Variants in ZNF426 observed in about 807,000 individuals in gnomAD.
ZNF426 encodes the protein zinc finger protein 426.
Under a neutral mutation model 24.0 loss-of-function variants are expected in ZNF426, and 23 were observed. The observed-to-expected ratio is 0.96, with a 90% CI of 0.69 to 1.36. The LOEUF (loss-of-function observed/expected upper bound fraction) is 1.36, where lower values mean the gene tolerates loss of function less well. ZNF426 is among the 40% of genes most tolerant of loss of function. The pLI, the probability that ZNF426 is intolerant of heterozygous loss-of-function variation, is 0.00. For missense variants in ZNF426, 646 were observed against 658.4 expected, an observed-to-expected ratio of 0.98 and a Z score of 0.21; for synonymous variants, 272 against 224.6, an observed-to-expected ratio of 1.21 and a Z score of -1.89.
intron 2 of ZNF426, among the ~76,000 whole-genome samples, chr19:9,537,451 CTTT>C (rs199870394): frequency 1.5e-5 from 2 of 137,894 alleles, no homozygotes; most frequent in Non-Finnish European, 1.5e-5. Context: ...ATATTTAACT[CTTT>C]TTTTTTTTTT....
chr19:9,535,140 G>C (rs1309767446), intron 4 of ZNF426, 48 bp downstream of exon 4: 2 of 1,436,834 alleles, frequency 1.4e-6, no homozygotes, highest in African/African-American at 2.9e-5. Flanking sequence ...GTGTCTACCT[G>C]GTGGATGCAA....
intron 2 of ZNF426, among the ~76,000 whole-genome samples, chr19:9,537,703 T>A (rs1034545848): frequency 6.6e-6 from 1 of 151,936 alleles, no homozygotes; most frequent in Non-Finnish European, 1.5e-5. Context: ...CAGGCTGGAG[T>A]GCAGTGGCAC....
chr19:9,536,944 C>A (rs2073974983), intron 2 of ZNF426, among the ~76,000 whole-genome samples: 1 of 152,042 alleles, frequency 6.6e-6, no homozygotes, highest in African/African-American at 2.4e-5. Context: ...ACCGGCCTAA[C>A]CAACACGGTG....
Position 9,529,267 on chromosome 19 carries a change from C to A in ZNF426, c.778G>T (p.Gly260Cys). 1 of 1,613,798 alleles carries A rather than the reference C, an allele frequency of 6.2e-7. No individual in the cohort carries two copies. The highest frequency in any genetic ancestry group is 8.5e-7 in the Non-Finnish European group (1 of 1,179,910). Residue 260 changes from glycine (G) to cysteine (C), a missense_variant, in exon 8 of 8, where the codon GGT becomes TGT. Transcript: ENST00000253115. Reference protein sequence around the residue: ...KLYEWRNYGPGFIDSTSLSVL... With the variant: ...KLYEWRNYGPCFIDSTSLSVL... ...GAAAGGCTTGTAGAGTCAATAAAAC[C>A]TGGCCCATAATTCCTCCATTCGTAG...
In ZNF426 at chr19:9,538,576, CAGGCCAGTG is replaced by C. The variant is rs1346040863; in HGVS notation, c.-222_-214del. ...CCAGTTCATCTCCTCGGAACTCACCCAGGCCAGTGAGGCCTTAACTCTGAAAGGCAAAAA... is the reference window on the plus strand; with the variant it reads ...CCAGTTCATCTCCTCGGAACTCACCCAGGCCTTAACTCTGAAAGGCAAAAA... On this transcript the variant is annotated splice_region_variant and 5_prime_UTR_variant, in exon 1 of 8. Coordinates refer to ENST00000253115, the MANE Select transcript of ZNF426 (RefSeq NM_024106.3). 2 of 152,284 alleles carry C rather than the reference CAGGCCAGTG, an allele frequency of 1.3e-5. No individual in the cohort carries two copies. Among genetic ancestry groups the C allele is most frequent in the Non-Finnish European group, 2.9e-5 (2 of 68,126 alleles). 9.4% of individuals were successfully genotyped at this position (152,284 alleles called of 1,614,324 possible).
chr19:9,530,265 C>A (rs556236533), intron 7 of ZNF426, among the ~76,000 whole-genome samples: 1 of 152,026 alleles, frequency 6.6e-6, no homozygotes, highest in Admixed American at 6.6e-5. Context: ...CCAGCCTGGG[C>A]AACATGGCAA....
chr19:9,536,260 C>G lies in ZNF426; in HGVS notation c.-28G>C. ...CGCGAGGTGAGAACGTGTCAGAACC[C>G]TCCTTTCATTGATGTCACCATCACT... On this transcript the variant is annotated 5_prime_UTR_variant, in exon 3 of 8. Transcript: ENST00000253115. 6.2e-7 allele frequency: 1 copy of G among 1,614,214 alleles called. No homozygotes were observed. The highest frequency in any genetic ancestry group is 1.1e-5 in the South Asian group (1 of 91,086).
chr19:9,532,213 C>G (rs2073895395), intron 6 of ZNF426, among the ~76,000 whole-genome samples: 1 of 151,116 alleles, frequency 6.6e-6, no homozygotes, highest in African/African-American at 2.4e-5. Flanking sequence ...GTTCATCATA[C>G]TACTGAGAAT....
Position 9,536,492 on chromosome 19 carries a change from G to C in ZNF426, c.-124-136C>G, listed in dbSNP as rs1289115135. The C allele has an allele frequency of 1.9e-5, 14 of 731,674 alleles. 1 individual carries two copies. The highest frequency in any genetic ancestry group is 1.9e-5 in the Non-Finnish European group (9 of 470,658). The allele number at this position is 731,674 out of a possible 1,614,324, so 45.3% of individuals were successfully genotyped here. The stretch of plus-strand genomic sequence containing the variant: ...AGGGTGGGAGGACTGCTTCAGCCTA[G>C]AAGTTTGAGACCAGCCTGGGCAACA... On this transcript the variant is annotated intron_variant, in intron 2 of 7. Coordinates refer to ENST00000253115, the MANE Select transcript of ZNF426 (RefSeq NM_024106.3).
chr19:9,528,394 C>T lies in ZNF426; in HGVS notation c.1651G>A (p.Glu551Lys). 1 of 1,577,024 alleles carries T rather than the reference C, an allele frequency of 6.3e-7. No individual in the cohort carries two copies. The highest frequency in any genetic ancestry group is 8.6e-7 in the Non-Finnish European group (1 of 1,163,854). The change falls in exon 8 of 8, where the codon GAA (glutamate) becomes AAA (lysine). Residue 551 changes from glutamate to lysine, a missense_variant. Glu to Lys is a moderately conservative substitution (Grantham distance 56). Transcript: ENST00000253115. Reference sequence around the variant, plus strand: ...ACAGTTTCTCACTAGTGAATTTGTTCATGTCTTCGAAGTGAACGGGGATGA... The same window carrying T: ...ACAGTTTCTCACTAGTGAATTTGTTTATGTCTTCGAAGTGAACGGGGATGA... ...YSHPRSLRRH[E>K]QIH
rs770502361 is a variant in ZNF426 at position 9,528,921 on chromosome 19, G to A, written c.1124C>T (p.Thr375Ile). 2 of 1,613,708 alleles carry A rather than the reference G, an allele frequency of 1.2e-6. No homozygotes were observed. Among genetic ancestry groups the A allele is most frequent in the East Asian group, 2.2e-5 (1 of 44,846 alleles). ...ECKECGKSFL[T>I]SSRLIQHIRT... Reference sequence around the variant, plus strand: ...TATATGTTGAATAAGGCGTGAGGATGTAAGGAAGGATTTCCCACATTCCTT... The same window carrying A: ...TATATGTTGAATAAGGCGTGAGGATATAAGGAAGGATTTCCCACATTCCTT... Residue 375 changes from threonine to isoleucine, a missense_variant, in exon 8 of 8, where the codon ACA (threonine) becomes ATA (isoleucine). Physicochemically the swap from Thr to Ile is moderately conservative, Grantham distance 89. Coordinates refer to ENST00000253115, the MANE Select transcript of ZNF426 (RefSeq NM_024106.3).
Position 9,529,497 on chromosome 19 carries a change from A to G in ZNF426, c.548T>C (p.Phe183Ser), listed in dbSNP as rs752183983. 6 of 1,613,654 alleles carry G rather than the reference A, an allele frequency of 3.7e-6. No homozygotes were observed. The highest frequency in any genetic ancestry group is 8.5e-7 in the Non-Finnish European group (1 of 1,180,038). The part of the protein sequence containing the change: ...THDCNQYGKD[F>S]LTLCEKTSTG... ...AGAGGTTTTCTCACACAGGGTAAGG[A>G]AATCTTTTCCATACTGATTACAGTC... The change falls in exon 8 of 8, where the codon TTC becomes TCC. Residue 183 changes from phenylalanine (F) to serine (S), a missense_variant. Physicochemically the swap from Phe to Ser is radical, Grantham distance 155. Transcript: ENST00000253115.
At position 9,524,410 on chromosome 19, in the gene ZNF426, G is replaced by A. The variant is rs1277822549; in HGVS notation, c.*3970C>T. The A allele has an allele frequency of 2.6e-5, 4 of 152,110 alleles. No individual in the cohort carries two copies. Among genetic ancestry groups the A allele is most frequent in the Non-Finnish European group, 4.4e-5 (3 of 68,030 alleles). The allele number at this position is 152,110 out of a possible 1,614,324, so 9.4% of individuals were successfully genotyped here. On this transcript the variant is annotated 3_prime_UTR_variant, in exon 8 of 8. Transcript: ENST00000253115. ...CTTTCATGTAAATGGGAACAACAGA[G>A]AGCTTTACCACAATTCTAACATTGA...
At chr19:9,534,891 G>A (rs1006143694) in intron 4 of ZNF426, among the ~76,000 whole-genome samples, 4 of 152,034 alleles carry the variant, frequency 2.6e-5, no homozygotes, top group Non-Finnish European at 4.4e-5. Flanking sequence ...CACCATGCCC[G>A]GCCTGGGATG....
At chr19:9,530,491 G>C (rs1169880983) in intron 7 of ZNF426, among the ~76,000 whole-genome samples, 1 of 151,502 alleles carries the variant, frequency 6.6e-6, no homozygotes, top group African/African-American at 2.4e-5. Flanking sequence ...AGCCAGATGT[G>C]GTGGCTCATG....
rs1398590584 is a variant in ZNF426 at position 9,530,053 on chromosome 19, G to A, written c.409-417C>T. Among the ~76,000 whole-genome samples, 7 of 152,186 alleles carry A rather than the reference G, an allele frequency of 4.6e-5. No homozygotes were observed. In the East Asian group the frequency reaches 5.8e-4, roughly 13 times the overall value. ...CAAGAATCGCTTGAACCTGGGAGGCGGAGGTTGCAGTGACCCAAGATCACA... is the reference window on the plus strand; with the variant it reads ...CAAGAATCGCTTGAACCTGGGAGGCAGAGGTTGCAGTGACCCAAGATCACA... On this transcript the variant is annotated intron_variant, in intron 7 of 7. Transcript: ENST00000253115.
In ZNF426 at chr19:9,536,257, AC is replaced by A. The variant is rs760904719; in HGVS notation, c.-26del. ...TCCCGCGAGGTGAGAACGTGTCAGA[AC>A]CCTCCTTTCATTGATGTCACCATCA... On this transcript the variant is annotated 5_prime_UTR_variant, in exon 3 of 8. It removes the in-frame stop codon of an upstream open reading frame in the 5' UTR. Coordinates refer to ENST00000253115, the MANE Select transcript of ZNF426 (RefSeq NM_024106.3). 6.2e-7 allele frequency: 1 copy of A among 1,613,996 alleles called. No homozygotes were observed. The highest frequency in any genetic ancestry group is 1.3e-5 in the African/African-American group (1 of 74,882).
Position 9,529,618 on chromosome 19 carries a change from T to C in ZNF426, c.427A>G (p.Arg143Gly). The C allele has an allele frequency of 6.3e-7, 1 of 1,590,560 alleles. No individual in the cohort carries two copies. Among genetic ancestry groups the C allele is most frequent in the Admixed American group, 1.8e-5 (1 of 56,252 alleles). ...CATTGCTCACAGTCACAGAGTTCCC[T>C]TCCATTGTGTTTTCCTTCCTGTTGA... ...GIQLEGKHNG[R>G]ELCDCEQCGE... Residue 143 changes from arginine (R) to glycine (G), a missense_variant, in exon 8 of 8, where the codon AGG becomes GGG. By Grantham distance (125) the Arg-to-Gly change is moderately radical (BLOSUM62 -2). Coordinates refer to ENST00000253115, the MANE Select transcript of ZNF426 (RefSeq NM_024106.3).
In ZNF426 at chr19:9,525,134, A is replaced by T. The variant is rs935835044; in HGVS notation, c.*3246T>A. On this transcript the variant is annotated 3_prime_UTR_variant, in exon 8 of 8. Coordinates refer to ENST00000253115, the MANE Select transcript of ZNF426 (RefSeq NM_024106.3). ...CGTGGTAGCGGGCGCCTGTAGTCCC[A>T]GCTACTCGGGAGGCTGAGGCAGGAG... 2 of 151,388 alleles carry T rather than the reference A, an allele frequency of 1.3e-5. No homozygotes were observed. Among genetic ancestry groups the T allele is most frequent in the Non-Finnish European group, 2.9e-5 (2 of 67,844 alleles). 9.4% of individuals were successfully genotyped at this position (151,388 alleles called of 1,614,324 possible). A position where few individuals can be genotyped will look rare whatever the true frequency, so the allele number is the denominator to read the frequency against.
Sources: gnomAD v4.1 joint callset for allele counts (sites outside exome capture counted in the v4.1 genomes callset) on GRCh38, gnomAD v4.1.1 for gene constraint, MANE v1.5 for transcripts, NCBI Gene and HGNC (gene_info 2026-07-23, HGNC 2026-07-21) for gene names.